PTPN2: variants seen among roughly 807,000 people sequenced by gnomAD.
The protein encoded by PTPN2 is protein tyrosine phosphatase non-receptor type 2.
Under a neutral mutation model 57.3 loss-of-function variants are expected in PTPN2, and 19 were observed. The ratio of observed to expected loss-of-function variants is 0.33; its 90% CI spans 0.23 to 0.49. PTPN2 has a LOEUF of 0.49. PTPN2 is among the 20% of genes least tolerant of loss of function. PTPN2 has a pLI of 0.99. For synonymous variants in PTPN2, 153 were observed against 164.9 expected, an observed-to-expected ratio of 0.93 and a Z score of 0.55; for missense variants, 358 against 501.1, an observed-to-expected ratio of 0.71 and a Z score of 2.73.
At chr18:12,803,939 G>A (rs1273886288) in intron 7 of PTPN2, among the ~76,000 whole-genome samples, 2 of 152,040 alleles carry the variant, frequency 1.3e-5, no homozygotes, top group Non-Finnish European at 2.9e-5. Context: ...TTTCTCATCA[G>A]CACATGGAAC....
chr18:12,828,654 A>G (rs2042560462), intron 4 of PTPN2, among the ~76,000 whole-genome samples: 1 of 152,218 alleles, frequency 6.6e-6, no homozygotes, highest in Non-Finnish European at 1.5e-5. Context: ...TGAACTGGGA[A>G]TATCATTATG....
At chr18:12,826,758 A>C (rs1296506398) in intron 4 of PTPN2, among the ~76,000 whole-genome samples, 1 of 151,814 alleles carries the variant, frequency 6.6e-6, no homozygotes, top group Non-Finnish European at 1.5e-5. Flanking sequence ...TAGTAGAGAC[A>C]GGGTTTTGCC....
chr18:12,868,826 G>A (rs1249337787), intron 1 of PTPN2, among the ~76,000 whole-genome samples: 1 of 150,584 alleles, frequency 6.6e-6, no homozygotes, highest in Non-Finnish European at 1.5e-5. Context: ...AACAAGTGAA[G>A]CTATAAAACA....
Position 12,793,749 on chromosome 18 carries a change from T to C in PTPN2, c.*529A>G. The C allele has an allele frequency of 1.1e-6, 1 of 944,322 alleles. No homozygotes were observed. The highest frequency in any genetic ancestry group is 1.8e-5 in the African/African-American group (1 of 56,338). 58.5% of individuals were successfully genotyped at this position (944,322 alleles called of 1,614,324 possible). On this transcript the variant is annotated 3_prime_UTR_variant, in exon 9 of 9. Coordinates refer to ENST00000309660, the MANE Select transcript of PTPN2 (RefSeq NM_002828.4). Reference sequence around the variant, plus strand: ...CAAATTGAGCTCTTAAAAAGTACAGTTAACTACAAAAGATTAAATAGATAC... The same window carrying C: ...CAAATTGAGCTCTTAAAAAGTACAGCTAACTACAAAAGATTAAATAGATAC...
In PTPN2 at chr18:12,884,199, C is replaced by G. The variant is rs1484967877; in HGVS notation, c.-58G>C. On this transcript the variant is annotated 5_prime_UTR_variant, in exon 1 of 9. Coordinates refer to ENST00000309660, the MANE Select transcript of PTPN2 (RefSeq NM_002828.4). ...TGCGCCGGCGGAGAGGCTCAGGCCC[C>G]GCACGATCCGGGGAGAGCGCTGGCG... 2.1e-6 allele frequency: 3 copies of G among 1,412,302 alleles called. No homozygotes were observed. Among genetic ancestry groups the G allele is most frequent in the Non-Finnish European group, 2.9e-6 (3 of 1,045,586 alleles). 87.5% of individuals were successfully genotyped at this position (1,412,302 alleles called of 1,614,324 possible).
intron 7 of PTPN2, among the ~76,000 whole-genome samples, chr18:12,813,641 C>A (rs1281081956): frequency 6.6e-6 from 1 of 152,042 alleles, no homozygotes; most frequent in African/African-American, 2.4e-5. Flanking sequence ...TGTGATTAAA[C>A]CAGACAAAAA....
intron 1 of PTPN2, among the ~76,000 whole-genome samples, chr18:12,872,640 G>A (rs2044309193): frequency 6.6e-6 from 1 of 151,842 alleles, no homozygotes; most frequent in African/African-American, 2.4e-5. Flanking sequence ...CACCAGGTGG[G>A]CCTATGAACC....
rs763426003 is a variant in PTPN2, at chr18:12,836,812, T to A, written c.240A>T (p.Gln80His). 1 of 1,607,064 alleles carries A rather than the reference T, an allele frequency of 6.2e-7. No individual in the cohort carries two copies. The highest frequency in any genetic ancestry group is 8.5e-7 in the Non-Finnish European group (1 of 1,175,632). The change falls in exon 3 of 9, where the codon CAA becomes CAT. Residue 80 changes from glutamine to histidine, a missense_variant. By Grantham distance (24) the Gln-to-His change is conservative (BLOSUM62 0). Transcript: ENST00000309660. The part of the protein sequence containing the change: ...NASLVDIEEA[Q>H]RSYILTQGPL... ...TTGCCTGTGTTAAGATGTAACTCCT[T>A]TGTGCCTCTTCTATGTCAACTAAAC...
At chr18:12,874,137 GC>G (rs1249436132) in intron 1 of PTPN2, among the ~76,000 whole-genome samples, 1 of 152,016 alleles carries the variant, frequency 6.6e-6, no homozygotes, top group Admixed American at 6.5e-5. Context: ...CCTGGCAGCC[GC>G]CCCGTCCAGG....
In PTPN2 at chr18:12,825,749, TA is replaced by T; in HGVS notation, c.495+60del. The T allele has an allele frequency of 2.0e-6, 3 of 1,469,532 alleles. No homozygotes were observed. In the South Asian group the frequency reaches 4.0e-5, roughly 20 times the overall value. The allele number at this position is 1,469,532 out of a possible 1,614,324, so 91.0% of individuals were successfully genotyped here. On this transcript the variant is annotated intron_variant, in intron 5 of 8. Coordinates refer to ENST00000309660, the MANE Select transcript of PTPN2 (RefSeq NM_002828.4). The stretch of plus-strand genomic sequence containing the variant: ...GCTTATCAAACTTCAAATCTAATAA[TA>T]AAGAATAATTCTTTAAACCATCATA...
chr18:12,854,179 C>T (rs2043494081), intron 2 of PTPN2, among the ~76,000 whole-genome samples: 1 of 151,456 alleles, frequency 6.6e-6, no homozygotes, highest in Non-Finnish European at 1.5e-5. Flanking sequence ...GGCAACATGA[C>T]GAAACCCCAT....
At chr18:12,815,635 A>G (rs1417371777) in intron 6 of PTPN2, among the ~76,000 whole-genome samples, 2 of 152,176 alleles carry the variant, frequency 1.3e-5, no homozygotes, top group East Asian at 3.9e-4. Flanking sequence ...CAAAATAATC[A>G]CCAGAGTTTT....
intron 2 of PTPN2, among the ~76,000 whole-genome samples, chr18:12,849,669 A>G (rs2043327792): frequency 6.6e-6 from 1 of 152,238 alleles, no homozygotes; most frequent in African/African-American, 2.4e-5. Context: ...ATACATTGCT[A>G]TATTCAGTTT....
intron 5 of PTPN2, among the ~76,000 whole-genome samples, chr18:12,820,661 A>T (rs1352028594): frequency 6.6e-6 from 1 of 152,098 alleles, no homozygotes; most frequent in African/African-American, 2.4e-5. Flanking sequence ...TCTGGTCCCC[A>T]GCTGCTGCCC....
intron 2 of PTPN2, among the ~76,000 whole-genome samples, chr18:12,846,633 C>T (rs1187428180): frequency 1.3e-5 from 2 of 152,162 alleles, no homozygotes; most frequent in Non-Finnish European, 2.9e-5. Context: ...CTGTCGCAGA[C>T]GTGGAACCAG....
chr18:12,857,479 T>C lies in PTPN2; in HGVS notation c.160+1685A>G, dbSNP rs73404491. Reference sequence around the variant, plus strand: ...GTGAGGGGTATACTCGATCTTTCTGTATTATTTCTCAACTGCATCCAAATC... The same window carrying C: ...GTGAGGGGTATACTCGATCTTTCTGCATTATTTCTCAACTGCATCCAAATC... On this transcript the variant is annotated intron_variant, in intron 2 of 8. Coordinates refer to ENST00000309660, the MANE Select transcript of PTPN2 (RefSeq NM_002828.4). Among the ~76,000 whole-genome samples, 1,337 of 152,310 alleles carry C rather than the reference T, an allele frequency of 8.8e-3. 26 individuals are homozygous for C. Among genetic ancestry groups the C allele is most frequent in the African/African-American group, 0.031 (1,294 of 41,548 alleles).
At chr18:12,874,595 G>A (rs1285781471) in intron 1 of PTPN2, among the ~76,000 whole-genome samples, 29 of 117,702 alleles carry the variant, frequency 2.5e-4, no homozygotes, top group East Asian at 6.4e-4. Flanking sequence ...GGGGGGTTCA[G>A]CCCCCCGCCC....
chr18:12,878,035 GAAAAAGA>G (rs2044549290), intron 1 of PTPN2, among the ~76,000 whole-genome samples: 1 of 148,288 alleles, frequency 6.7e-6, no homozygotes. Context: ...CTCAAAAAAA[GAAAAAGA>G]AAAAAGAAAA....
At chr18:12,791,314 CA>C (rs750239243), downstream of PTPN2, among the ~76,000 whole-genome samples, 16 of 152,190 alleles carry the variant, frequency 1.1e-4, no homozygotes, top group East Asian at 7.7e-4. Context: ...ATAAAAGAAA[CA>C]TTTTTTTTAT....
Sources: allele counts gnomAD v4.1 joint callset (sites outside exome capture counted in the v4.1 genomes callset), GRCh38; gene constraint gnomAD v4.1.1; transcripts MANE v1.5; gene names NCBI Gene and HGNC (gene_info 2026-07-23, HGNC 2026-07-21).